Variants in PGS1 observed in about 807,000 individuals in gnomAD.
PGS1 encodes the protein CDP-diacylglycerol--glycerol-3-phosphate 3-phosphatidyltransferase, mitochondrial.
PGS1 carries 44 observed loss-of-function variants against 58.3 expected under a neutral mutation model. The observed-to-expected ratio is 0.75, with a 90% CI of 0.59 to 0.97. The LOEUF is 0.97. Among genes scored for constraint, PGS1 ranks in the 50% least tolerant of loss-of-function variants. The probability of loss-of-function intolerance (pLI) is 0.00; values close to 1 mark genes in which losing one functional copy is unlikely to be tolerated. For missense variants in PGS1, 684 were observed against 731.1 expected, an observed-to-expected ratio of 0.94 and a Z score of 0.74; for synonymous variants, 330 against 311.0, an observed-to-expected ratio of 1.06 and a Z score of -0.64.
intron 7 of PGS1, among the ~76,000 whole-genome samples, chr17:78,410,132 AAAAC>A (rs1392138046): frequency 6.6e-5 from 10 of 151,512 alleles, no homozygotes; most frequent in South Asian, 2.1e-4. Context: ...ACAAAACAGA[AAAAC>A]AAAATAGGCC....
intron 7 of PGS1, among the ~76,000 whole-genome samples, chr17:78,405,464 C>T (rs1232190403): frequency 6.6e-6 from 1 of 152,124 alleles, no homozygotes; most frequent in Non-Finnish European, 1.5e-5. Context: ...TGTGCACAGT[C>T]TTGCTGGTGG....
intron 9 of PGS1, chr17:78,423,737 CACCAACCTCCACCCT>C (rs1325450891): frequency 1.1e-6 from 1 of 877,410 alleles, no homozygotes; most frequent in East Asian, 2.5e-5. Context: ...ACCTCTTCCA[CACCAACCTCCACCCT>C]CTGGTTCCGA....
chr17:78,408,960 G>C (rs1037573083), intron 7 of PGS1, among the ~76,000 whole-genome samples: 3 of 152,230 alleles, frequency 2.0e-5, no homozygotes, highest in African/African-American at 7.2e-5. Flanking sequence ...TCGGGGGTGG[G>C]GTACAGGCAG....
At chr17:78,409,784 A>G (rs914878131) in intron 7 of PGS1, among the ~76,000 whole-genome samples, 1 of 152,226 alleles carries the variant, frequency 6.6e-6, no homozygotes, top group African/African-American at 2.4e-5. Context: ...GTGTTCATGC[A>G]TGTACTCTTA....
At chr17:78,382,622 G>C (rs367831054) in intron 1 of PGS1, 1 of 150,762 alleles carries the variant, frequency 6.6e-6, no homozygotes, top group Non-Finnish European at 1.5e-5. Context: ...TGAGTCATCC[G>C]GCTACACAGA....
chr17:78,423,841 T>G, intron 9 of PGS1: 1 of 1,586,888 alleles, frequency 6.3e-7, no homozygotes, highest in Non-Finnish European at 8.6e-7. Flanking sequence ...AAGTCACAGG[T>G]GCACAGGTGA....
Position 78,396,399 on chromosome 17 carries a change from G to A in PGS1, c.411+14G>A, listed in dbSNP as rs746872140. The A allele has an allele frequency of 1.3e-6, 2 of 1,583,460 alleles. No individual in the cohort carries two copies. Among genetic ancestry groups the A allele is most frequent in the African/African-American group, 2.7e-5 (2 of 73,672 alleles). On this transcript the variant is annotated intron_variant, in intron 3 of 9. Transcript: ENST00000262764. The stretch of plus-strand genomic sequence containing the variant: ...GAACAGGAGCTGGTAAGGTTTATGG[G>A]GAGATGGTTGTGGCAGCAATAGTGA...
chr17:78,410,691 T>C (rs144499225), intron 7 of PGS1, among the ~76,000 whole-genome samples: 3,624 of 151,982 alleles, frequency 0.024, 339 homozygotes, highest in Admixed American at 0.17. Context: ...CCAGGCTGGT[T>C]TTGAACTCCT....
At chr17:78,417,505 G>A (rs1199475119) in intron 8 of PGS1, among the ~76,000 whole-genome samples, 1 of 152,192 alleles carries the variant, frequency 6.6e-6, no homozygotes, top group East Asian at 1.9e-4. Context: ...GCTTTCCCCA[G>A]CTCTTGATGG....
chr17:78,402,484 G>A (rs894690230), intron 6 of PGS1, among the ~76,000 whole-genome samples: 2 of 151,618 alleles, frequency 1.3e-5, no homozygotes, highest in Non-Finnish European at 2.9e-5. Flanking sequence ...TTTTGCTCTC[G>A]TCACCCAGGC....
chr17:78,381,875 A>G (rs1257128743), intron 1 of PGS1, among the ~76,000 whole-genome samples: 2 of 152,174 alleles, frequency 1.3e-5, no homozygotes, highest in African/African-American at 2.4e-5. Flanking sequence ...ATCATTAGGA[A>G]CTGCTGGATC....
rs1568009146 is a variant in PGS1, at chr17:78,419,600, C to T, written c.1606C>T (p.Gln536Ter). The change falls in exon 9 of 10, where the codon CAG (glutamine) becomes TAG (stop). Residue 536 changes from glutamine to a stop codon, truncating the protein, a stop_gained. Transcript: ENST00000262764. LOFTEE classifies it high-confidence loss of function. ...SGVVSSATFE[Q>*]PSRQVKLWVK... ...TGTGGTGTCCTCTGCCACCTTCGAG[C>T]AGCCGAGTCGCCAGGTGAAGCTGTG... is the stretch of plus-strand genomic sequence containing the variant. 1.2e-6 allele frequency: 2 copies of T among 1,614,108 alleles called. No individual in the cohort carries two copies. The highest frequency in any genetic ancestry group is 1.7e-6 in the Non-Finnish European group (2 of 1,179,968).
chr17:78,388,759 C>T (rs1363125512), intron 1 of PGS1, among the ~76,000 whole-genome samples: 2 of 152,174 alleles, frequency 1.3e-5, no homozygotes. Context: ...TGCTGCAGAA[C>T]CTTCCCAGTA....
At chr17:78,408,979 C>T (rs553348637) in intron 7 of PGS1, among the ~76,000 whole-genome samples, 3 of 152,316 alleles carry the variant, frequency 2.0e-5, no homozygotes, top group South Asian at 2.1e-4. Context: ...AGGAGCAGCC[C>T]GGCCTTGTCA....
At chr17:78,402,919 C>A (rs2083806932) in intron 6 of PGS1, among the ~76,000 whole-genome samples, 1 of 152,064 alleles carries the variant, frequency 6.6e-6, no homozygotes, top group South Asian at 2.1e-4. Context: ...CACCTGTCAC[C>A]AGTGTCTTGT....
At chr17:78,422,337 A>G (rs2085892251) in intron 9 of PGS1, among the ~76,000 whole-genome samples, 1 of 152,150 alleles carries the variant, frequency 6.6e-6, no homozygotes. Context: ...TCCCTCCGAT[A>G]GCCCTACTGG....
chr17:78,407,739 C>T (rs552815074), intron 7 of PGS1, among the ~76,000 whole-genome samples: 3 of 152,366 alleles, frequency 2.0e-5, no homozygotes, highest in African/African-American at 7.2e-5. Context: ...GCTGTCAGCA[C>T]AGCACTCTCT....
chr17:78,419,427 T>C lies in PGS1; in HGVS notation c.1552-119T>C, dbSNP rs574922679. The C allele has an allele frequency of 1.9e-4, 164 of 842,824 alleles. No homozygotes were observed. The Middle Eastern group carries it at 3.1e-3, about 16-fold the overall frequency. The allele number at this position is 842,824 out of a possible 1,614,324, so 52.2% of individuals were successfully genotyped here. A position where few individuals can be genotyped will look rare whatever the true frequency, so the allele number is the denominator to read the frequency against. ...GCACCCTGGGAATCTCTGGGCCAGG[T>C]AGACATGGGAAGTCAGGGTTTTCTG... On this transcript the variant is annotated intron_variant, in intron 8 of 9. Coordinates refer to ENST00000262764, the MANE Select transcript of PGS1 (RefSeq NM_024419.5).
rs1406552517 is a variant in PGS1 at position 78,424,171 on chromosome 17, C to T, written c.*121C>T. 1.2e-5 allele frequency: 19 copies of T among 1,598,092 alleles called. No homozygotes were observed. The highest frequency in any genetic ancestry group is 1.4e-5 in the Non-Finnish European group (17 of 1,172,534). On this transcript the variant is annotated 3_prime_UTR_variant, in exon 10 of 10. Coordinates refer to ENST00000262764, the MANE Select transcript of PGS1 (RefSeq NM_024419.5). ...GCGAGCCCCTGCAGGGACAGTATGGCTGAGGGTCAGGTGTGCTGCCAGTAA... is the reference window on the plus strand; with the variant it reads ...GCGAGCCCCTGCAGGGACAGTATGGTTGAGGGTCAGGTGTGCTGCCAGTAA...
Sources: gnomAD v4.1 joint callset for allele counts (sites outside exome capture counted in the v4.1 genomes callset) on GRCh38, gnomAD v4.1.1 for gene constraint, MANE v1.5 for transcripts, NCBI Gene and HGNC (gene_info 2026-07-23, HGNC 2026-07-21) for gene names.